The following DYNC2I1 variants were observed in gnomAD, a reference collection of about 807,000 sequenced individuals.
DYNC2I1 encodes the protein dynein 2 intermediate chain 1, also known as cytoplasmic dynein 2 intermediate chain 1.
In DYNC2I1, 89 loss-of-function variants were observed where a neutral mutation model predicts 133.4. The ratio of observed to expected loss-of-function variants is 0.67; its 90% CI spans 0.56 to 0.80. The LOEUF (loss-of-function observed/expected upper bound fraction) is 0.80. Among genes scored for constraint, DYNC2I1 ranks in the 30% least tolerant of loss-of-function variants. The probability of loss-of-function intolerance (pLI) is 0.00; values close to 1 mark genes in which losing one functional copy is unlikely to be tolerated. For synonymous variants in DYNC2I1, 504 were observed against 484.3 expected (o/e 1.04, Z -0.54); for missense variants, 1,291 against 1,314.5 (o/e 0.98, Z 0.28).
At chr7:158,857,647 C>T (rs560683828) in intron 1 of DYNC2I1, among the ~76,000 whole-genome samples, 2 of 150,620 alleles carry the variant, frequency 1.3e-5, no homozygotes, top group Non-Finnish European at 2.9e-5. Flanking sequence ...AAGAGATTCT[C>T]CTGCCTCAGT....
At position 158,878,637 on chromosome 7, in the gene DYNC2I1, G is replaced by C. The variant is rs569608079; in HGVS notation, c.574-1047G>C. 6.2e-5 allele frequency among the ~76,000 whole-genome samples: 9 copies of C among 144,776 alleles called. No individual in the cohort carries two copies. The South Asian group carries it at 2.0e-3, about 32-fold the overall frequency. 95.0% of individuals were successfully genotyped at this position (144,776 alleles called of 152,430 possible). ...GCCGGGTGCCATGTGGGGAGGCCAG[G>C]AGGGCCGACTCTGAGTGCCAGGTGC... On this transcript the variant is annotated intron_variant, in intron 4 of 24. Transcript: ENST00000407559.
At chr7:158,935,210 G>A (rs756919477) in intron 23 of DYNC2I1, among the ~76,000 whole-genome samples, 73 of 152,342 alleles carry the variant, frequency 4.8e-4, no homozygotes, top group Non-Finnish European at 6.6e-4. Context: ...CAGTCCCTGC[G>A]CTGCACTCAT....
chr7:158,857,271 A>G (rs1584920833), intron 1 of DYNC2I1, among the ~76,000 whole-genome samples: 1 of 152,264 alleles, frequency 6.6e-6, no homozygotes, highest in East Asian at 1.9e-4. Context: ...CACAATAATA[A>G]TAGCAACATT....
intron 6 of DYNC2I1, among the ~76,000 whole-genome samples, chr7:158,885,493 C>T (rs1844511561): frequency 6.6e-6 from 1 of 152,046 alleles, no homozygotes; most frequent in African/African-American, 2.4e-5. Flanking sequence ...AGGCACATAC[C>T]ACCACACCCA....
At chr7:158,958,416 T>A (rs1852255167), downstream of DYNC2I1, among the ~76,000 whole-genome samples, 2 of 152,208 alleles carry the variant, frequency 1.3e-5, no homozygotes, top group African/African-American at 4.8e-5. Context: ...TGTGCGCGGA[T>A]CAGCTGCTGG....
chr7:158,873,781 G>C (rs1362637963), intron 3 of DYNC2I1, among the ~76,000 whole-genome samples: 1 of 152,104 alleles, frequency 6.6e-6, no homozygotes, highest in Non-Finnish European at 1.5e-5. Flanking sequence ...TTTGGAGATA[G>C]AGTCTCACTC....
rs748764557 is a variant in DYNC2I1 at position 158,945,713 on chromosome 7, C to A, written c.3135C>A (p.Asp1045Glu). Reference sequence around the variant, plus strand: ...GGCGGTGGGCGGCCCCGGAGGTGGACGAGTGCAACAGGCTGCGTCTGCTTT... The same window carrying A: ...GGCGGTGGGCGGCCCCGGAGGTGGAAGAGTGCAACAGGCTGCGTCTGCTTT... Reference protein sequence around the residue: ...LKRRWAAPEVDECNRLRLLLQ... With the variant: ...LKRRWAAPEVEECNRLRLLLQ... The change falls in exon 25 of 25, where the codon GAC becomes GAA. Residue 1045 changes from aspartate (D) to glutamate (E), a missense_variant. Coordinates refer to ENST00000407559, the MANE Select transcript of DYNC2I1 (RefSeq NM_018051.5). The surrounding 1 kb of genome is among the most constrained non-coding windows in gnomAD (Gnocchi z 4.1). The A allele has an allele frequency of 9.9e-6, 16 of 1,610,160 alleles. No individual in the cohort carries two copies. Among genetic ancestry groups the A allele is most frequent in the Admixed American group, 3.4e-5 (2 of 59,522 alleles).
chr7:158,895,920 C>A (rs186711341), intron 8 of DYNC2I1, among the ~76,000 whole-genome samples: 1 of 152,242 alleles, frequency 6.6e-6, no homozygotes, highest in East Asian at 1.9e-4. Flanking sequence ...TCAGATTATA[C>A]TCGTTCCTTG....
chr7:158,905,004 T>C (rs1429707591), intron 10 of DYNC2I1: 1 of 297,196 alleles, frequency 3.4e-6, no homozygotes, highest in Non-Finnish European at 6.6e-6. Context: ...GAAATAAATA[T>C]ACAAACAAAT....
At chr7:158,840,412 C>G in the DYNC2I1 span, among the ~76,000 whole-genome samples, 1 of 152,024 alleles carries the variant, frequency 6.6e-6, no homozygotes, top group South Asian at 2.1e-4. Flanking sequence ...AGGAAAAATA[C>G]AAAACTTAGC....
rs561419258 is a variant in DYNC2I1, at chr7:158,919,802, C to T, written c.1921+933C>T. Among the ~76,000 whole-genome samples, 12 of 152,366 alleles carry T rather than the reference C, an allele frequency of 7.9e-5. No individual in the cohort carries two copies. The East Asian group carries it at 2.3e-3, about 29-fold the overall frequency. The stretch of plus-strand genomic sequence containing the variant: ...TTCCTGTTAGAAAAATAATAAATCT[C>T]TGTACCTGTATCATTCAACACATTG... On this transcript the variant is annotated intron_variant, in intron 15 of 24. Transcript: ENST00000407559.
At chr7:158,923,202 T>G (rs945554135) in intron 16 of DYNC2I1, among the ~76,000 whole-genome samples, 4 of 152,214 alleles carry the variant, frequency 2.6e-5, no homozygotes, top group Non-Finnish European at 4.4e-5. Context: ...TAACTTGAAA[T>G]TGTAACTTTT....
the DYNC2I1 span, among the ~76,000 whole-genome samples, chr7:158,849,873 A>C: frequency 1.3e-5 from 2 of 152,248 alleles, no homozygotes; most frequent in South Asian, 4.1e-4. Context: ...GGCCAAGGGC[A>C]GCCCAAAAGA....
chr7:158,919,540 G>A (rs1848804072), intron 15 of DYNC2I1, among the ~76,000 whole-genome samples: 1 of 152,228 alleles, frequency 6.6e-6, no homozygotes, highest in South Asian at 2.1e-4. Flanking sequence ...TGGAGAACCA[G>A]CAGAGGTGGT....
chr7:158,889,431 T>A (rs1303941151), intron 7 of DYNC2I1, among the ~76,000 whole-genome samples: 1 of 152,124 alleles, frequency 6.6e-6, no homozygotes, highest in Admixed American at 6.5e-5. Flanking sequence ...GTTTGGACGA[T>A]ATAGATCTAC....
chr7:158,856,865 C>G (rs552406515), intron 1 of DYNC2I1, 115 bp downstream of exon 1: 2 of 1,168,954 alleles, frequency 1.7e-6, no homozygotes, highest in African/African-American at 1.6e-5. Flanking sequence ...TCGGCCGGGC[C>G]GGGGCTTCCC....
At chr7:158,915,805 G>T (rs1324772252) in intron 14 of DYNC2I1, among the ~76,000 whole-genome samples, 10 of 145,938 alleles carry the variant, frequency 6.9e-5, no homozygotes, top group African/African-American at 2.6e-4. Flanking sequence ...ACGTCGACAC[G>T]CTGGTTGACA....
At chr7:158,883,986 A>G (rs894716960) in intron 5 of DYNC2I1, among the ~76,000 whole-genome samples, 3 of 149,522 alleles carry the variant, frequency 2.0e-5, no homozygotes, top group Admixed American at 1.3e-4. Flanking sequence ...TAATAGAAGA[A>G]TCCAGTGGCC....
chr7:158,871,642 C>T (rs1842893768), intron 3 of DYNC2I1, 80 bp downstream of exon 3: 1 of 1,389,940 alleles, frequency 7.2e-7, no homozygotes, highest in Non-Finnish European at 9.5e-7. Flanking sequence ...CTCGCTGCCT[C>T]CCCTCCCTCT....
Sources: allele counts gnomAD v4.1 joint callset (sites outside exome capture counted in the v4.1 genomes callset), GRCh38; gene constraint gnomAD v4.1.1; non-coding constraint Gnocchi (gnomAD v3.1); transcripts MANE v1.5; gene names NCBI Gene and HGNC (gene_info 2026-07-23, HGNC 2026-07-21).